The following TCF4 variants were observed in gnomAD, a reference collection of about 807,000 sequenced individuals.
The protein encoded by TCF4 is transcription factor 4, also known as SL3-3 enhancer factor 2.
In TCF4, 3 loss-of-function variants were observed where a neutral mutation model predicts 82.1. The observed-to-expected ratio is 0.04, with a 90% CI of 0.02 to 0.09. The LOEUF is 0.09. Among genes scored for constraint, TCF4 ranks in the 10% least tolerant of loss-of-function variants. The probability of loss-of-function intolerance (pLI) is 1.00; values close to 1 mark genes in which losing one functional copy is unlikely to be tolerated. For missense variants in TCF4, 518 were observed against 852.7 expected (o/e 0.61, Z 4.89); for synonymous variants, 276 against 309.6 (o/e 0.89, Z 1.14).
chr18:55,365,223 G>GTGTATATATA (rs2086670893), intron 6 of TCF4, among the ~76,000 whole-genome samples: 1 of 135,628 alleles, frequency 7.4e-6, no homozygotes, highest in Non-Finnish European at 1.5e-5. Flanking sequence ...ATATATGTGT[G>GTGTATATATA]TGTGTGTGTG....
At chr18:55,286,657 A>G (rs2063758190) in intron 8 of TCF4, among the ~76,000 whole-genome samples, 1 of 152,236 alleles carries the variant, frequency 6.6e-6, no homozygotes, top group Non-Finnish European at 1.5e-5. Context: ...TCAAAGGCAC[A>G]AGACAGTGCA....
At chr18:55,320,212 A>T (rs914862087) in intron 8 of TCF4, among the ~76,000 whole-genome samples, 1 of 152,150 alleles carries the variant, frequency 6.6e-6, no homozygotes, top group East Asian at 1.9e-4. Flanking sequence ...AAGATGTTAC[A>T]TAATCCCAAT....
At chr18:55,436,652 A>T (rs1257228024) in intron 5 of TCF4, among the ~76,000 whole-genome samples, 1 of 152,216 alleles carries the variant, frequency 6.6e-6, no homozygotes, top group Admixed American at 6.5e-5. Flanking sequence ...CGGGGACCTC[A>T]TAGGAGCCTA....
intron 3 of TCF4, among the ~76,000 whole-genome samples, chr18:55,531,623 G>C (rs2097064804): frequency 6.6e-6 from 1 of 152,132 alleles, no homozygotes; most frequent in Non-Finnish European, 1.5e-5. Context: ...TCAGCAATTT[G>C]CTAAATGTGA....
chr18:55,474,778 T>C (rs994758396), intron 3 of TCF4, among the ~76,000 whole-genome samples: 3 of 151,876 alleles, frequency 2.0e-5, no homozygotes, highest in African/African-American at 7.3e-5. Flanking sequence ...TTGTTTGTTT[T>C]GTTTGTTTGT....
chr18:55,506,561 C>A (rs577149752), intron 3 of TCF4, among the ~76,000 whole-genome samples: 1 of 152,268 alleles, frequency 6.6e-6, no homozygotes, highest in Non-Finnish European at 1.5e-5. Context: ...ATGCAACACA[C>A]ACACACACAC....
intron 6 of TCF4, among the ~76,000 whole-genome samples, chr18:55,391,190 G>A (rs1364689535): frequency 6.6e-6 from 1 of 152,176 alleles, no homozygotes; most frequent in Admixed American, 6.5e-5. Flanking sequence ...GCTTAGCTCA[G>A]TGTGACAAAC....
intron 3 of TCF4, among the ~76,000 whole-genome samples, chr18:55,502,140 G>A (rs529477232): frequency 6.6e-5 from 10 of 152,180 alleles, no homozygotes; most frequent in Admixed American, 3.3e-4. Context: ...TTTCTAACCT[G>A]GAATTTCCAG....
At chr18:55,247,765 G>A (rs376833276) in intron 15 of TCF4, among the ~76,000 whole-genome samples, 1 of 152,112 alleles carries the variant, frequency 6.6e-6, no homozygotes, top group Non-Finnish European at 1.5e-5. Context: ...GTGATGTTTC[G>A]TCTAGAGGGA....
intron 8 of TCF4, among the ~76,000 whole-genome samples, chr18:55,293,947 T>TTTTTTTTTTA (rs2065788031): frequency 7.7e-6 from 1 of 129,818 alleles, no homozygotes; most frequent in Non-Finnish European, 1.7e-5. Flanking sequence ...TTTTTTTTTT[T>TTTTTTTTTTA]TTTTTTTTTT....
At chr18:55,351,498 T>C (rs2082311715) in intron 6 of TCF4, among the ~76,000 whole-genome samples, 1 of 151,962 alleles carries the variant, frequency 6.6e-6, no homozygotes, top group Admixed American at 6.6e-5. Context: ...CGAACTGACA[T>C]AGCACCCACA....
intron 6 of TCF4, among the ~76,000 whole-genome samples, chr18:55,356,894 G>A (rs1229629760): frequency 6.6e-6 from 1 of 152,084 alleles, no homozygotes; most frequent in Non-Finnish European, 1.5e-5. Flanking sequence ...TATTTTAGTA[G>A]TGATTGTATT....
intron 15 of TCF4, among the ~76,000 whole-genome samples, chr18:55,241,846 G>A (rs2051333678): frequency 6.6e-6 from 1 of 152,188 alleles, no homozygotes; most frequent in South Asian, 2.1e-4. Flanking sequence ...ATCAGTTGAT[G>A]CAATATTAAG....
At chr18:55,273,758 TG>T (rs2060884639) in intron 10 of TCF4, among the ~76,000 whole-genome samples, 1 of 152,196 alleles carries the variant, frequency 6.6e-6, no homozygotes, top group Admixed American at 6.6e-5. Flanking sequence ...TATAGCCTAC[TG>T]GGTTACTACT....
chr18:55,304,171 T>C (rs2069356820), intron 8 of TCF4, among the ~76,000 whole-genome samples: 2 of 152,116 alleles, frequency 1.3e-5, no homozygotes, highest in Admixed American at 1.3e-4. Context: ...AAGTTGTGAA[T>C]AGGAAAAGAA....
At chr18:55,493,722 C>T (rs2096599625) in intron 3 of TCF4, among the ~76,000 whole-genome samples, 4 of 152,052 alleles carry the variant, frequency 2.6e-5, no homozygotes, top group Admixed American at 1.3e-4. Flanking sequence ...CACAAATACA[C>T]AAAATACATA....
intron 10 of TCF4, 101 bp downstream of exon 10, chr18:55,275,518 G>A: frequency 6.7e-7 from 1 of 1,496,364 alleles, no homozygotes; most frequent in Non-Finnish European, 9.3e-7. Flanking sequence ...TGCCATTTTT[G>A]CACTTATTTG....
At chr18:55,275,110 C>T (rs1461080826) in intron 10 of TCF4, among the ~76,000 whole-genome samples, 1 of 151,932 alleles carries the variant, frequency 6.6e-6, no homozygotes, top group African/African-American at 2.4e-5. Flanking sequence ...GTTTCTCTTA[C>T]TGATGGAAGT....
chr18:55,274,773 C>T (rs147121431), intron 10 of TCF4, among the ~76,000 whole-genome samples: 1 of 152,296 alleles, frequency 6.6e-6, no homozygotes, highest in African/African-American at 2.4e-5. Context: ...TTCATCTTAT[C>T]TGCATCCCAA....
Sources: gnomAD v4.1 joint callset for allele counts (sites outside exome capture counted in the v4.1 genomes callset) on GRCh38, gnomAD v4.1.1 for gene constraint, MANE v1.5 for transcripts, NCBI Gene and HGNC (gene_info 2026-07-23, HGNC 2026-07-21) for gene names.